SLC6A3: variants seen among roughly 807,000 people sequenced by gnomAD.
SLC6A3 encodes solute carrier family 6 member 3.
A neutral mutation model predicts 70.4 loss-of-function variants in SLC6A3; 19 were observed. The ratio of observed to expected loss-of-function variants is 0.27; its 90% CI spans 0.19 to 0.40. The LOEUF is 0.40. Ranked by LOEUF, SLC6A3 falls within the 10% of genes least tolerant of loss-of-function variation. SLC6A3 has a pLI of 1.00. For synonymous variants in SLC6A3, 368 were observed against 356.6 expected (o/e 1.03, Z -0.36); for missense variants, 613 against 838.5 (o/e 0.73, Z 3.32).
intron 7 of SLC6A3, 79 bp from the exon 8 acceptor site, chr5:1,414,894 A>G: frequency 1.9e-6 from 3 of 1,587,546 alleles, no homozygotes; most frequent in Non-Finnish European, 2.6e-6. Context: ...TTCTTAATTT[A>G]CTGTGTCTGG....
In SLC6A3 at chr5:1,442,885, G is replaced by A. The variant is rs1560928749; in HGVS notation, c.286+27C>T. On this transcript the variant is annotated intron_variant, in intron 2 of 14. Transcript: ENST00000270349. The surrounding 1 kb of genome is among the most constrained non-coding windows in gnomAD (Gnocchi z 5.0). ...CCTACGACCCCCGCCCGGCCAGCATGCTCAGGGAGGCTGAGATGGGACTTA... is the reference window on the plus strand; with the variant it reads ...CCTACGACCCCCGCCCGGCCAGCATACTCAGGGAGGCTGAGATGGGACTTA... 1 of 1,613,610 alleles carries A rather than the reference G, an allele frequency of 6.2e-7. No homozygotes were observed. Among genetic ancestry groups the A allele is most frequent in the Non-Finnish European group, 8.5e-7 (1 of 1,179,610 alleles).
chr5:1,412,447 G>A (rs181642189), intron 8 of SLC6A3, among the ~76,000 whole-genome samples: 39 of 152,356 alleles, frequency 2.6e-4, no homozygotes, highest in Non-Finnish European at 4.3e-4. Flanking sequence ...CAGGCTGAGG[G>A]CGGCATGGCA....
At chr5:1,427,697 G>A (rs749009404) in intron 4 of SLC6A3, among the ~76,000 whole-genome samples, 20 of 152,342 alleles carry the variant, frequency 1.3e-4, no homozygotes, top group Middle Eastern at 6.8e-3. Flanking sequence ...TGATACGAAA[G>A]TTGGGGTGGC....
intron 4 of SLC6A3, among the ~76,000 whole-genome samples, chr5:1,428,234 C>G (rs574426732): frequency 6.6e-6 from 1 of 152,242 alleles, no homozygotes; most frequent in Admixed American, 6.5e-5. Flanking sequence ...CAACAAACTT[C>G]TAAAAATGCC....
In SLC6A3 at chr5:1,441,509, C is replaced by A; in HGVS notation, c.287-19G>T. 6.2e-7 allele frequency: 1 copy of A among 1,612,718 alleles called. No individual in the cohort carries two copies. Among genetic ancestry groups the A allele is most frequent in the Non-Finnish European group, 8.5e-7 (1 of 1,179,258 alleles). On this transcript the variant is annotated intron_variant, in intron 2 of 14. Transcript: ENST00000270349. ...AAGGCACCTGTGGGGCAGAAAAGCACCTTTAGTTTGGGGCCTCGGAAGGGC... is the reference window on the plus strand; with the variant it reads ...AAGGCACCTGTGGGGCAGAAAAGCAACTTTAGTTTGGGGCCTCGGAAGGGC...
At position 1,414,506 on chromosome 5, in the gene SLC6A3, C is replaced by T. The variant is rs61367015; in HGVS notation, c.1156+185G>A. On this transcript the variant is annotated intron_variant, in intron 8 of 14. Coordinates refer to ENST00000270349, the MANE Select transcript of SLC6A3 (RefSeq NM_001044.5). The stretch of plus-strand genomic sequence containing the variant: ...GCCTGGAGGGTCAGGGCGGGGAAGG[C>T]GCTGGGTGGGGGCAGGTCTGTACTG... Among the ~76,000 whole-genome samples, 161 of 147,262 alleles carry T rather than the reference C, an allele frequency of 1.1e-3. 16 individuals carry two copies. Among genetic ancestry groups the T allele is most frequent in the East Asian group, 8.2e-3 (39 of 4,744 alleles).
At chr5:1,403,132 G>A (rs370476826) in intron 12 of SLC6A3, 43 bp from the exon 13 acceptor site, 49 of 1,603,396 alleles carry the variant, frequency 3.1e-5, no homozygotes, top group South Asian at 1.8e-4. Flanking sequence ...CTCAGCCGGC[G>A]GTGCCAGGAC....
intron 8 of SLC6A3, among the ~76,000 whole-genome samples, chr5:1,414,127 G>A (rs59133686): frequency 0.018 from 2,735 of 152,192 alleles, 64 homozygotes; most frequent in African/African-American, 0.051. Flanking sequence ...TGATGTTTGC[G>A]GCATCCCAGC....
In SLC6A3 at chr5:1,436,971, G is replaced by A. The variant is rs1211612274; in HGVS notation, c.419-4273C>T. Among the ~76,000 whole-genome samples, 1 of 152,220 alleles carries A rather than the reference G, an allele frequency of 6.6e-6. No homozygotes were observed. The highest frequency in any genetic ancestry group is 1.5e-5 in the Non-Finnish European group (1 of 68,040). On this transcript the variant is annotated intron_variant, in intron 3 of 14. Coordinates refer to ENST00000270349, the MANE Select transcript of SLC6A3 (RefSeq NM_001044.5). The surrounding 1 kb of genome is among the most constrained non-coding windows in gnomAD (Gnocchi z 5.2). ...GTCTTTGGAAGAAAGACGGGAGAGG[G>A]CCGGGCACGGTGGCTCACTCCTGTA...
chr5:1,414,695 C>G lies in SLC6A3; in HGVS notation c.1152G>C (p.Lys384Asn). 6.2e-7 allele frequency: 1 copy of G among 1,612,448 alleles called. No homozygotes were observed. The highest frequency in any genetic ancestry group is 8.5e-7 in the Non-Finnish European group (1 of 1,179,760). ...GGTGCAGCAGGAGGGGCTCACCGTC[C>G]TTGGCCACGTCCCCGATGGGCACAC... ...KHSVPIGDVA[K>N]DGPGLIFIIY... The change falls in exon 8 of 15, where the codon AAG becomes AAC. Residue 384 changes from lysine (K) to asparagine (N), a missense_variant. Transcript: ENST00000270349.
chr5:1,435,141 A>G (rs1364388409), intron 3 of SLC6A3, among the ~76,000 whole-genome samples: 1 of 152,194 alleles, frequency 6.6e-6, no homozygotes, highest in Non-Finnish European at 1.5e-5. Context: ...GCCTTCTCCC[A>G]CGTGGATCTG....
chr5:1,401,606 G>A lies in SLC6A3; in HGVS notation c.1768-620C>T, dbSNP rs779420139. Among the ~76,000 whole-genome samples the A allele has an allele frequency of 6.6e-6, 1 of 152,176 alleles. No homozygotes were observed. The highest frequency in any genetic ancestry group is 2.4e-5 in the African/African-American group (1 of 41,436). On this transcript the variant is annotated intron_variant, in intron 13 of 14. Coordinates refer to ENST00000270349, the MANE Select transcript of SLC6A3 (RefSeq NM_001044.5). The surrounding 1 kb of genome is among the most constrained non-coding windows in gnomAD (Gnocchi z 6.1). ...ACCTCTCACAGGGACCCCTGTGCGTGGCCCCACCCCACGTCATCACCACAA... is the reference window on the plus strand; with the variant it reads ...ACCTCTCACAGGGACCCCTGTGCGTAGCCCCACCCCACGTCATCACCACAA...
intron 4 of SLC6A3, among the ~76,000 whole-genome samples, chr5:1,422,385 A>ACCGCTGCCCACGGTGCTGCCCAC (rs1560918355): frequency 1.0e-5 from 1 of 96,504 alleles, no homozygotes; most frequent in Non-Finnish European, 2.1e-5. Flanking sequence ...GTGCTGCCCA[A>ACCGCTGCCCACGGTGCTGCCCAC]GGTGCTGGGT....
In SLC6A3 at chr5:1,394,619, A is replaced by G; in HGVS notation, c.*116T>C. On this transcript the variant is annotated 3_prime_UTR_variant, in exon 15 of 15. Coordinates refer to ENST00000270349, the MANE Select transcript of SLC6A3 (RefSeq NM_001044.5). This position sits in a 1 kb window ranked among gnomAD's most constrained non-coding sequence, Gnocchi z 4.7. ...CTTCTGCTTTGTTGTTTGTGTTTTC[A>G]GTAGAGGTTGAAGAGTAGAAGTTGC... The G allele has an allele frequency of 1.0e-6, 1 of 997,062 alleles. No individual in the cohort carries two copies. Among genetic ancestry groups the G allele is most frequent in the Non-Finnish European group, 1.6e-6 (1 of 618,368 alleles). The allele number at this position is 997,062 out of a possible 1,614,324, so 61.8% of individuals were successfully genotyped here.
chr5:1,437,409 GACAGA>G lies in SLC6A3; in HGVS notation c.418+3945_418+3949del, dbSNP rs1395111306. On this transcript the variant is annotated intron_variant, in intron 3 of 14. Transcript: ENST00000270349. The surrounding 1 kb of genome is among the most constrained non-coding windows in gnomAD (Gnocchi z 4.8). ...CAGGAGAGAGACAGAGAGGAGAAGA[GACAGA>G]ACAGGAGAGACACAGAGAGGAAAGG... Among the ~76,000 whole-genome samples, 1 of 152,068 alleles carries G rather than the reference GACAGA, an allele frequency of 6.6e-6. No individual in the cohort carries two copies. The highest frequency in any genetic ancestry group is 1.5e-5 in the Non-Finnish European group (1 of 67,994).
intron 2 of SLC6A3, 57 bp from the exon 3 acceptor site, chr5:1,441,547 G>C: frequency 6.3e-7 from 1 of 1,592,658 alleles, no homozygotes; most frequent in South Asian, 1.1e-5. Context: ...ATCTCTCCTC[G>C]TGGGAGCTTG....
intron 8 of SLC6A3, among the ~76,000 whole-genome samples, chr5:1,412,554 G>C (rs1172516010): frequency 6.6e-6 from 1 of 152,240 alleles, no homozygotes; most frequent in Admixed American, 6.5e-5. Context: ...GGGGACGAGA[G>C]TGTGGCAGGC....
At chr5:1,439,104 C>T (rs181450884) in intron 3 of SLC6A3, among the ~76,000 whole-genome samples, 11 of 152,320 alleles carry the variant, frequency 7.2e-5, no homozygotes, top group African/African-American at 2.2e-4. Context: ...GGATTTGACA[C>T]GCGCCCCTGT....
Position 1,401,132 on chromosome 5 carries a change from A to G in SLC6A3, c.1768-146T>C. On this transcript the variant is annotated intron_variant, in intron 13 of 14. Coordinates refer to ENST00000270349, the MANE Select transcript of SLC6A3 (RefSeq NM_001044.5). This position sits in a 1 kb window ranked among gnomAD's most constrained non-coding sequence, Gnocchi z 6.1. ...TGCCAATGCCCACCCGCTGGCATCC[A>G]TATCACCAGCGCCCACCACTGACTT... 1 of 714,330 alleles carries G rather than the reference A, an allele frequency of 1.4e-6. No homozygotes were observed. Among genetic ancestry groups the G allele is most frequent in the Non-Finnish European group, 2.5e-6 (1 of 393,886 alleles). 44.2% of individuals were successfully genotyped at this position (714,330 alleles called of 1,614,324 possible).
Sources: gnomAD v4.1 joint callset for allele counts (sites outside exome capture counted in the v4.1 genomes callset) on GRCh38, gnomAD v4.1.1 for gene constraint, Gnocchi (gnomAD v3.1) non-coding constraint, MANE v1.5 for transcripts, NCBI Gene and HGNC (gene_info 2026-07-23, HGNC 2026-07-21) for gene names.